Variants in UNC13A observed in about 807,000 individuals in gnomAD.
UNC13A encodes the protein unc-13 homolog A, also known as protein unc-13 homolog A.
In UNC13A, 61 loss-of-function variants were observed where a neutral mutation model predicts 219.7. The observed-to-expected ratio is 0.28, with a 90% CI of 0.23 to 0.34. UNC13A has a LOEUF of 0.34. Among genes scored for constraint, UNC13A ranks in the 10% least tolerant of loss-of-function variants. UNC13A has a pLI of 1.00. For synonymous variants in UNC13A, 920 were observed against 884.6 expected (o/e 1.04, Z -0.71); for missense variants, 1,476 against 2,270.3 (o/e 0.65, Z 7.11).
At chr19:17,638,850 T>A (rs969017089) in intron 25 of UNC13A, among the ~76,000 whole-genome samples, 3 of 151,956 alleles carry the variant, frequency 2.0e-5, no homozygotes, top group Non-Finnish European at 2.9e-5. Flanking sequence ...AATTTTTTTT[T>A]ATGCCAAACT....
chr19:17,642,915 T>C lies in UNC13A; in HGVS notation c.2402A>G (p.His801Arg). The C allele has an allele frequency of 1.1e-5, 17 of 1,610,390 alleles. No homozygotes were observed. The highest frequency in any genetic ancestry group is 1.4e-5 in the Non-Finnish European group (17 of 1,178,376). The part of the protein sequence containing the change: ...KSAVSGAIRL[H>R]ISVEIKGEEK... ...CTCGCCTTTGATCTCCACACTGATG[T>C]GGAGCCGGATGGCACCCGACACGGC... is the stretch of plus-strand genomic sequence containing the variant. The change falls in exon 20 of 44, where the codon CAC becomes CGC. Residue 801 changes from histidine (H) to arginine (R), a missense_variant. By Grantham distance (29) the His-to-Arg change is conservative. Around this residue, in one of 14 missense-constraint regions of UNC13A, gnomAD observed 66 missense variants for 224.3 expected, o/e 0.29. Coordinates refer to ENST00000519716, the MANE Select transcript of UNC13A (RefSeq NM_001080421.3).
rs936871633 is a variant in UNC13A at position 17,605,948 on chromosome 19, C to A, written c.*106G>T. The A allele has an allele frequency of 2.9e-5, 31 of 1,070,228 alleles. No homozygotes were observed. The Middle Eastern group carries it at 9.5e-4, about 33-fold the overall frequency. The allele number at this position is 1,070,228 out of a possible 1,614,324, so 66.3% of individuals were successfully genotyped here. A position where few individuals can be genotyped will look rare whatever the true frequency, so the allele number is the denominator to read the frequency against. On this transcript the variant is annotated 3_prime_UTR_variant, in exon 44 of 44. Transcript: ENST00000519716. The stretch of plus-strand genomic sequence containing the variant: ...GGCGCAGCCCACCCTTGGCGTGGAG[C>A]CCCCCGAGCCCCGCCCCTGGGGAGG...
In UNC13A at chr19:17,627,679, G is replaced by C; in HGVS notation, c.3832-82C>G. 7.6e-7 allele frequency: 1 copy of C among 1,311,604 alleles called. No homozygotes were observed. Among genetic ancestry groups the C allele is most frequent in the Non-Finnish European group, 1.1e-6 (1 of 931,926 alleles). 81.2% of individuals were successfully genotyped at this position (1,311,604 alleles called of 1,614,324 possible). A position where few individuals can be genotyped will look rare whatever the true frequency, so the allele number is the denominator to read the frequency against. ...CATTTTCTCATCTGACCCAGGGAAAGGGATCCCAAGGGGCTGCAGGGGAAA... is the reference window on the plus strand; with the variant it reads ...CATTTTCTCATCTGACCCAGGGAAACGGATCCCAAGGGGCTGCAGGGGAAA... On this transcript the variant is annotated intron_variant, in intron 32 of 43. Coordinates refer to ENST00000519716, the MANE Select transcript of UNC13A (RefSeq NM_001080421.3). The surrounding 1 kb of genome is among the most constrained non-coding windows in gnomAD (Gnocchi z 4.7).
intron 7 of UNC13A, among the ~76,000 whole-genome samples, chr19:17,665,435 TA>T (rs1052027327): frequency 6.6e-6 from 1 of 152,014 alleles, no homozygotes; most frequent in Non-Finnish European, 1.5e-5. Context: ...CCCAGGAAGA[TA>T]AAAAATCTTG....
At chr19:17,676,090 G>A in intron 1 of UNC13A, 49 bp from the exon 2 acceptor site, 2 of 1,538,906 alleles carry the variant, frequency 1.3e-6, no homozygotes, top group South Asian at 1.2e-5. Flanking sequence ...GAGATGTGGG[G>A]AGGAGGAGGC....
intron 9 of UNC13A, among the ~76,000 whole-genome samples, chr19:17,656,946 G>A (rs1599386849): frequency 6.6e-6 from 1 of 151,806 alleles, no homozygotes; most frequent in African/African-American, 2.4e-5. Flanking sequence ...CTCAGGGTCA[G>A]CGCCATCACC....
At chr19:17,644,650 C>T (rs1306686427) in intron 19 of UNC13A, among the ~76,000 whole-genome samples, 1 of 151,274 alleles carries the variant, frequency 6.6e-6, no homozygotes, top group East Asian at 1.9e-4. Context: ...CCTGCCTCAG[C>T]CGTCCCAAAC....
intron 1 of UNC13A, among the ~76,000 whole-genome samples, chr19:17,684,682 C>CATTT: frequency 6.6e-6 from 1 of 152,336 alleles, no homozygotes; most frequent in East Asian, 1.9e-4. Flanking sequence ...CAAGAGCTTG[C>CATTT]ATTTGCCTGT....
At chr19:17,678,962 A>G (rs919978698) in intron 1 of UNC13A, among the ~76,000 whole-genome samples, 2 of 152,054 alleles carry the variant, frequency 1.3e-5, no homozygotes, top group Non-Finnish European at 2.9e-5. Flanking sequence ...GAGAGACACA[A>G]GGAGACAGCG....
intron 26 of UNC13A, among the ~76,000 whole-genome samples, chr19:17,635,717 TATTATTA>T (rs553849980): frequency 1.4e-3 from 207 of 150,206 alleles, no homozygotes; most frequent in African/African-American, 4.8e-3. Flanking sequence ...TGAGCAACAC[TATTATTA>T]ATTAACCTAC....
chr19:17,655,211 G>T, intron 11 of UNC13A, 63 bp downstream of exon 11: 1 of 1,359,030 alleles, frequency 7.4e-7, no homozygotes, highest in Non-Finnish European at 1.0e-6. Context: ...AAACATGTGT[G>T]GGCCTGCCAT....
chr19:17,632,277 T>C (rs995989805), intron 28 of UNC13A, among the ~76,000 whole-genome samples: 1 of 152,212 alleles, frequency 6.6e-6, no homozygotes. Flanking sequence ...ACTCCTGACC[T>C]CAGGTGATCT....
At chr19:17,623,195 G>A (rs1479120430) in intron 36 of UNC13A, 2 of 313,474 alleles carry the variant, frequency 6.4e-6, no homozygotes, top group East Asian at 1.1e-4. Flanking sequence ...CCTCTTTCTA[G>A]CTTCAGGGCG....
At chr19:17,681,799 A>G (rs1038146022) in intron 1 of UNC13A, among the ~76,000 whole-genome samples, 1 of 152,060 alleles carries the variant, frequency 6.6e-6, no homozygotes, top group Non-Finnish European at 1.5e-5. Flanking sequence ...GTGTACCCTC[A>G]ACGAACTAGG....
In UNC13A at chr19:17,639,066, C is replaced by G; in HGVS notation, c.3081+17G>C. 6.4e-7 allele frequency: 1 copy of G among 1,568,580 alleles called. No individual in the cohort carries two copies. Among genetic ancestry groups the G allele is most frequent in the Non-Finnish European group, 8.6e-7 (1 of 1,156,162 alleles). The stretch of plus-strand genomic sequence containing the variant: ...AGTTGGCATCACTGTTCCCTTCTGA[C>G]CCATCTGGAGTCTCACCGGGTCTGT... On this transcript the variant is annotated intron_variant, in intron 25 of 43. Transcript: ENST00000519716.
At chr19:17,630,006 A>AACTTC (rs2076825333) in intron 30 of UNC13A, 139 bp downstream of exon 30, 3 of 1,015,460 alleles carry the variant, frequency 3.0e-6, no homozygotes, top group Non-Finnish European at 4.2e-6. Flanking sequence ...ACCTCAACCC[A>AACTTC]AACTCCAACT....
rs958714109 is a variant in UNC13A at position 17,654,096 on chromosome 19, G to A, written c.1392+1178C>T. 6.6e-5 allele frequency among the ~76,000 whole-genome samples: 10 copies of A among 152,068 alleles called. 1 individual carries two copies. Among genetic ancestry groups the A allele is most frequent in the Admixed American group, 6.6e-5 (1 of 15,242 alleles). ...CCCACCTCGGCCTCCCAAAGTGCTG[G>A]GATTACAGGCTTGAGCAACCACGCC... is the stretch of plus-strand genomic sequence containing the variant. On this transcript the variant is annotated intron_variant, in intron 11 of 43. Transcript: ENST00000519716.
chr19:17,606,919 C>A (rs1484616037), intron 43 of UNC13A, among the ~76,000 whole-genome samples: 1 of 152,040 alleles, frequency 6.6e-6, no homozygotes, highest in Non-Finnish European at 1.5e-5. Flanking sequence ...TGCTCCTGCC[C>A]CTAAGCAGTC....
intron 1 of UNC13A, among the ~76,000 whole-genome samples, chr19:17,678,600 G>T (rs10419687): frequency 0.49 from 74,572 of 151,106 alleles, 20,114 homozygotes; most frequent in African/African-American, 0.69. Context: ...TGGTTTGTTC[G>T]CTCACATCCT....
Sources: gnomAD v4.1 joint callset for allele counts (sites outside exome capture counted in the v4.1 genomes callset) on GRCh38, gnomAD v4.1.1 for gene constraint, gnomAD v4.1.1 regional missense constraint, Gnocchi (gnomAD v3.1) non-coding constraint, MANE v1.5 for transcripts, NCBI Gene and HGNC (gene_info 2026-07-23, HGNC 2026-07-21) for gene names.